The following THEMIS2 variants were observed in gnomAD, a reference collection of about 807,000 sequenced individuals.
THEMIS2 encodes protein THEMIS2.
Under a neutral mutation model 46.8 loss-of-function variants are expected in THEMIS2, and 29 were observed. The ratio of observed to expected loss-of-function variants is 0.62; its 90% CI spans 0.46 to 0.84. THEMIS2 has a LOEUF of 0.84. Among genes scored for constraint, THEMIS2 ranks in the 40% least tolerant of loss-of-function variants. The probability of loss-of-function intolerance (pLI) is 0.00; values close to 1 mark genes in which losing one functional copy is unlikely to be tolerated. For missense variants in THEMIS2, 698 were observed against 834.7 expected, an observed-to-expected ratio of 0.84 and a Z score of 2.02; for synonymous variants, 335 against 349.1, an observed-to-expected ratio of 0.96 and a Z score of 0.45.
chr1:27,885,960 A>C lies in THEMIS2; in HGVS notation c.*38A>C, dbSNP rs765199765. The stretch of plus-strand genomic sequence containing the variant: ...CCACGCTTCCTAACTGCTGCTTCTC[A>C]GGGAATCCGACACCAGCCAACCATT... On this transcript the variant is annotated 3_prime_UTR_variant, in exon 6 of 6. Coordinates refer to ENST00000373921, the MANE Select transcript of THEMIS2 (RefSeq NM_001105556.3). 1.8e-5 allele frequency: 29 copies of C among 1,605,160 alleles called. No individual in the cohort carries two copies. The highest frequency in any genetic ancestry group is 2.4e-5 in the Non-Finnish European group (28 of 1,172,118).
At chr1:27,885,818 G>A (rs748681935) in intron 5 of THEMIS2, 49 bp from the exon 6 acceptor site, 1 of 1,592,818 alleles carries the variant, frequency 6.3e-7, no homozygotes, top group Non-Finnish European at 8.6e-7. Context: ...CAGAAGGGAA[G>A]GAACTTGCCT....
At chr1:27,885,756 C>T (rs890684592) in intron 5 of THEMIS2, 111 bp from the exon 6 acceptor site, 11 of 1,078,380 alleles carry the variant, frequency 1.0e-5, no homozygotes, top group Admixed American at 2.0e-5. Flanking sequence ...TAGCAAAGAC[C>T]GTAGGGCATC....
intron 3 of THEMIS2, 119 bp downstream of exon 3, chr1:27,880,173 G>A: frequency 3.3e-6 from 4 of 1,215,480 alleles, no homozygotes; most frequent in Non-Finnish European, 4.5e-6. Context: ...GGAACTTCAG[G>A]TTGCTCCCTC....
chr1:27,881,157 T>A (rs548773125), intron 3 of THEMIS2, among the ~76,000 whole-genome samples: 10 of 152,094 alleles, frequency 6.6e-5, no homozygotes, highest in Admixed American at 2.0e-4. Flanking sequence ...GTAATTTTTT[T>A]AAGAAGGTTG....
intron 4 of THEMIS2, chr1:27,883,762 T>A (rs1557454494): frequency 6.5e-6 from 1 of 152,704 alleles, no homozygotes; most frequent in African/African-American, 2.4e-5. Flanking sequence ...TCAGCAGCGG[T>A]GGTCCTGCCT....
chr1:27,880,133 A>T, intron 3 of THEMIS2, 79 bp downstream of exon 3: 2 of 1,445,396 alleles, frequency 1.4e-6, no homozygotes, highest in Non-Finnish European at 1.9e-6. Context: ...CTGATGGAAG[A>T]CACCCCCACC....
intron 1 of THEMIS2, among the ~76,000 whole-genome samples, chr1:27,873,832 G>C (rs148985873): frequency 1.3e-5 from 2 of 152,092 alleles, no homozygotes; most frequent in African/African-American, 2.4e-5. Context: ...TGCCTGACGC[G>C]GGATGGTGGA....
Position 27,882,811 on chromosome 1 carries a change from T to A in THEMIS2, c.1487T>A (p.Met496Lys), listed in dbSNP as rs1444854265. 6.2e-7 allele frequency: 1 copy of A among 1,613,948 alleles called. No homozygotes were observed. Among genetic ancestry groups the A allele is most frequent in the South Asian group, 1.1e-5 (1 of 91,058 alleles). Residue 496 changes from methionine (M) to lysine (K), a missense_variant, in exon 4 of 6, where the codon ATG becomes AAG. By Grantham distance (95) the Met-to-Lys change is moderately conservative. Transcript: ENST00000373921. This position sits in a 1 kb window ranked among gnomAD's most constrained non-coding sequence, Gnocchi z 7.6. ...LVVSLDSEPG[M>K]CFEIPPRWLD... ...GTGAGCCTAGACTCTGAGCCTGGGA[T>A]GTGCTTTGAGATCCCTCCCCGGTGG...
intron 3 of THEMIS2, among the ~76,000 whole-genome samples, chr1:27,880,557 C>G (rs1214275747): frequency 2.6e-5 from 4 of 152,216 alleles, no homozygotes; most frequent in Non-Finnish European, 5.9e-5. Flanking sequence ...AATACCAGCA[C>G]TTTGGAGGAT....
intron 1 of THEMIS2, among the ~76,000 whole-genome samples, chr1:27,875,690 A>T (rs12354256): frequency 0.063 from 9,504 of 151,874 alleles, 651 homozygotes; most frequent in African/African-American, 0.18. Context: ...TTAATTAATT[A>T]ATTTATTTTT....
chr1:27,882,321 A>G lies in THEMIS2; in HGVS notation c.997A>G (p.Thr333Ala). Reference protein sequence around the residue: ...KLRRRPREFPTAYDLLGAFQP... With the variant: ...KLRRRPREFPAAYDLLGAFQP... ...GCGGCGGCGGCCAAGGGAGTTCCCC[A>G]CGGCCTATGACCTCCTAGGTGCTTT... is the stretch of plus-strand genomic sequence containing the variant. Residue 333 changes from threonine to alanine, a missense_variant, in exon 4 of 6, where the codon ACG (threonine) becomes GCG (alanine). Thr to Ala is a moderately conservative substitution (Grantham distance 58, BLOSUM62 0). Coordinates refer to ENST00000373921, the MANE Select transcript of THEMIS2 (RefSeq NM_001105556.3). This position sits in a 1 kb window ranked among gnomAD's most constrained non-coding sequence, Gnocchi z 7.6. 6.3e-7 allele frequency: 1 copy of G among 1,590,424 alleles called. No homozygotes were observed. The highest frequency in any genetic ancestry group is 8.6e-7 in the Non-Finnish European group (1 of 1,166,932).
intron 4 of THEMIS2, 81 bp from the exon 5 acceptor site, chr1:27,885,214 C>A (rs2148644672): frequency 2.0e-6 from 3 of 1,472,310 alleles, no homozygotes; most frequent in Non-Finnish European, 1.9e-6. Flanking sequence ...GGAAGTGACA[C>A]TTAACGTGAA....
At position 27,886,505 on chromosome 1, in the gene THEMIS2, A is replaced by G. The variant is rs1314834886; in HGVS notation, c.*583A>G. On this transcript the variant is annotated 3_prime_UTR_variant, in exon 6 of 6. Transcript: ENST00000373921. Reference sequence around the variant, plus strand: ...CAACCTTAGGACCTTGGGCCCCAAAAGCTGGTGGTGAAATGAGGAGGAGCC... The same window carrying G: ...CAACCTTAGGACCTTGGGCCCCAAAGGCTGGTGGTGAAATGAGGAGGAGCC... The G allele has an allele frequency of 7.7e-6, 1 of 130,050 alleles. No individual in the cohort carries two copies. Among genetic ancestry groups the G allele is most frequent in the Non-Finnish European group, 1.6e-5 (1 of 62,352 alleles). 8.1% of individuals were successfully genotyped at this position (130,050 alleles called of 1,614,324 possible).
At position 27,885,335 on chromosome 1, in the gene THEMIS2, C is replaced by G. The variant is rs1304954594; in HGVS notation, c.1760C>G (p.Pro587Arg). The G allele has an allele frequency of 1.9e-6, 3 of 1,614,054 alleles. No homozygotes were observed. Among genetic ancestry groups the G allele is most frequent in the Non-Finnish European group, 2.5e-6 (3 of 1,180,034 alleles). Residue 587 changes from proline to arginine, a missense_variant, in exon 5 of 6, where the codon CCC becomes CGC. Physicochemically the swap from Pro to Arg is moderately radical, Grantham distance 103 (BLOSUM62 -2). Coordinates refer to ENST00000373921, the MANE Select transcript of THEMIS2 (RefSeq NM_001105556.3). Reference protein sequence around the residue: ...VLGLQQHARLPKPKAKTLPEF... With the variant: ...VLGLQQHARLRKPKAKTLPEF... ...GGATTGCAGCAACACGCTCGGCTGC[C>G]CAAACCCAAGGCGAAGACCTTGCCA...
At position 27,885,452 on chromosome 1, in the gene THEMIS2, G is replaced by A. The variant is rs1297358947; in HGVS notation, c.1876+1G>A. 1.2e-6 allele frequency: 2 copies of A among 1,612,914 alleles called. No individual in the cohort carries two copies. Among genetic ancestry groups the A allele is most frequent in the South Asian group, 2.2e-5 (2 of 91,022 alleles). On this transcript the variant is annotated splice_donor_variant, in intron 5 of 5. Transcript: ENST00000373921. LOFTEE classifies it high-confidence loss of function. Reference sequence around the variant, plus strand: ...GCTAAGCCCCAAAGGCAGGATCTAGGTGAGTCCCTGTGGGCGCTGCTCACC... The same window carrying A: ...GCTAAGCCCCAAAGGCAGGATCTAGATGAGTCCCTGTGGGCGCTGCTCACC...
chr1:27,882,245 C>A lies in THEMIS2; in HGVS notation c.921C>A (p.Gly307=), dbSNP rs1262094516. The change falls in exon 4 of 6, where the codon GGC becomes GGA. Residue 307 remains glycine, a synonymous_variant. Coordinates refer to ENST00000373921, the MANE Select transcript of THEMIS2 (RefSeq NM_001105556.3). This position sits in a 1 kb window ranked among gnomAD's most constrained non-coding sequence, Gnocchi z 7.6. ...GGCGGGTCCTGGCCTCAAGCAAGGG[C>A]CGCAAGGTGCCCAGGCACTTCCTGG... The part of the protein sequence containing the change: ...PPWRVLASSK[G]RKVPRHFLVS... 6.2e-7 allele frequency: 1 copy of A among 1,608,280 alleles called. No homozygotes were observed. The highest frequency in any genetic ancestry group is 8.5e-7 in the Non-Finnish European group (1 of 1,176,560).
In THEMIS2 at chr1:27,879,789, C is replaced by G. The variant is rs2089647126; in HGVS notation, c.381C>G (p.Asp127Glu). The G allele has an allele frequency of 6.2e-7, 1 of 1,614,134 alleles. No homozygotes were observed. Among genetic ancestry groups the G allele is most frequent in the East Asian group, 2.2e-5 (1 of 44,876 alleles). The change falls in exon 3 of 6, where the codon GAC becomes GAG. Residue 127 changes from aspartate to glutamate, a missense_variant. Coordinates refer to ENST00000373921, the MANE Select transcript of THEMIS2 (RefSeq NM_001105556.3). Reference protein sequence around the residue: ...IVTEGRVVTEDQLLMLEAVVM... With the variant: ...IVTEGRVVTEEQLLMLEAVVM... ...CAGAGGGCAGGGTGGTGACTGAGGA[C>G]CAGCTCCTCATGCTTGAGGCTGTGG...
chr1:27,885,138 A>C, intron 4 of THEMIS2, 157 bp from the exon 5 acceptor site: 2 of 690,636 alleles, frequency 2.9e-6, no homozygotes, highest in Non-Finnish European at 4.8e-6. Context: ...TTTCACATGC[A>C]TGTAGCAAAA....
chr1:27,883,873 G>A (rs549727445), intron 4 of THEMIS2: 23 of 152,348 alleles, frequency 1.5e-4, no homozygotes, highest in African/African-American at 4.8e-4. Flanking sequence ...TGTCGGGGCA[G>A]GGACCTTACC....
Sources: gnomAD v4.1 joint callset for allele counts (sites outside exome capture counted in the v4.1 genomes callset) on GRCh38, gnomAD v4.1.1 for gene constraint, Gnocchi (gnomAD v3.1) non-coding constraint, MANE v1.5 for transcripts, NCBI Gene and HGNC (gene_info 2026-07-23, HGNC 2026-07-21) for gene names.